Variants in CTIF observed in about 807,000 individuals in gnomAD.
CTIF encodes CBP80/20-dependent translation initiation factor.
A neutral mutation model predicts 66.0 loss-of-function variants in CTIF; 21 were observed. The ratio of observed to expected loss-of-function variants is 0.32; its 90% CI spans 0.23 to 0.46. The LOEUF (loss-of-function observed/expected upper bound fraction) is 0.46, where lower values mean the gene tolerates loss of function less well. Among genes scored for constraint, CTIF ranks in the 20% least tolerant of loss-of-function variants. CTIF has a pLI of 1.00. For synonymous variants in CTIF, 345 were observed against 326.4 expected (o/e 1.06, Z -0.62); for missense variants, 739 against 812.7 (o/e 0.91, Z 1.10).
chr18:48,761,578 G>A lies in CTIF; in HGVS notation c.1260G>A (p.Lys420=). Residue 420 remains lysine, a synonymous_variant, in exon 9 of 12, where the codon AAG becomes AAA. Coordinates refer to ENST00000256413, the MANE Select transcript of CTIF (RefSeq NM_014772.3). This position sits in a 1 kb window ranked among gnomAD's most constrained non-coding sequence, Gnocchi z 4.2. ...LGEIVRTIYQ[K]AVSDRSFAFT... The stretch of plus-strand genomic sequence containing the variant: ...AGATCGTGCGCACAATCTACCAGAA[G>A]GCTGTGTCCGACCGCAGCTTCGCCT... 1.9e-6 allele frequency: 3 copies of A among 1,614,222 alleles called. No homozygotes were observed. The highest frequency in any genetic ancestry group is 2.5e-6 in the Non-Finnish European group (3 of 1,180,044).
intron 7 of CTIF, among the ~76,000 whole-genome samples, chr18:48,739,771 A>G (rs1250745744): frequency 2.0e-5 from 3 of 152,182 alleles, no homozygotes; most frequent in African/African-American, 7.2e-5. Flanking sequence ...AAAGCTCACA[A>G]ATTCCTTTAG....
intron 1 of CTIF, among the ~76,000 whole-genome samples, chr18:48,601,061 G>C (rs984350516): frequency 2.0e-5 from 3 of 152,178 alleles, no homozygotes; most frequent in Admixed American, 6.5e-5. Context: ...GTCCTTTCAG[G>C]CTTTGGTCTG....
chr18:48,668,987 C>T (rs1212146931), intron 5 of CTIF, among the ~76,000 whole-genome samples: 1 of 152,134 alleles, frequency 6.6e-6, no homozygotes, highest in African/African-American at 2.4e-5. Context: ...CTTGGGTTAG[C>T]CCCCTGTTCT....
At chr18:48,742,515 C>T (rs527368243) in intron 7 of CTIF, among the ~76,000 whole-genome samples, 7 of 152,254 alleles carry the variant, frequency 4.6e-5, no homozygotes, top group Admixed American at 2.0e-4. Flanking sequence ...TTGGTTCACA[C>T]GCAGACAGCG....
intron 9 of CTIF, among the ~76,000 whole-genome samples, chr18:48,779,912 G>T (rs534334223): frequency 6.6e-6 from 1 of 152,324 alleles, no homozygotes; most frequent in South Asian, 2.1e-4. Flanking sequence ...GCAGCTCTGG[G>T]TGAAGGTGGG....
At chr18:48,849,084 G>A (rs923513470) in intron 10 of CTIF, among the ~76,000 whole-genome samples, 6 of 152,036 alleles carry the variant, frequency 3.9e-5, no homozygotes, top group African/African-American at 9.7e-5. Context: ...CTGACCCCCA[G>A]GTAGAGCAGG....
intron 10 of CTIF, among the ~76,000 whole-genome samples, chr18:48,853,531 C>T (rs1386885618): frequency 6.6e-6 from 1 of 152,194 alleles, no homozygotes; most frequent in Admixed American, 6.5e-5. Context: ...ACCTGCTCAT[C>T]ATTTGAGCAG....
intron 10 of CTIF, among the ~76,000 whole-genome samples, chr18:48,854,802 G>A (rs1434013177): frequency 6.6e-6 from 1 of 152,104 alleles, no homozygotes; most frequent in Non-Finnish European, 1.5e-5. Context: ...CTGCACCTGT[G>A]GTCCCATCTA....
chr18:48,829,372 G>C (rs562860588), intron 10 of CTIF, among the ~76,000 whole-genome samples: 1 of 152,246 alleles, frequency 6.6e-6, no homozygotes, highest in Non-Finnish European at 1.5e-5. Context: ...TGGGAGGACT[G>C]GTTGGGAGGG....
chr18:48,810,024 G>A (rs1599088233), intron 9 of CTIF, among the ~76,000 whole-genome samples: 1 of 151,880 alleles, frequency 6.6e-6, no homozygotes, highest in East Asian at 1.9e-4. Flanking sequence ...TTAGTTAAAT[G>A]TTTAGATCAA....
rs1371118368 is a variant in CTIF, at chr18:48,730,678, C to CGGTGTGAGGAGCCCCTGA, written c.584+18993_584+19010dup. On this transcript the variant is annotated intron_variant, in intron 7 of 11. Coordinates refer to ENST00000256413, the MANE Select transcript of CTIF (RefSeq NM_014772.3). ...GCTTCTGCGGTGTGAGGGGCTTCTG[C>CGGTGTGAGGAGCCCCTGA]GGTGTGAGGAGCCCCTGAGGTGTGA... 1.5e-5 allele frequency among the ~76,000 whole-genome samples: 2 copies of CGGTGTGAGGAGCCCCTGA among 132,488 alleles called. 1 individual carries two copies. The highest frequency in any genetic ancestry group is 4.4e-4 in the East Asian group (2 of 4,528). 86.9% of individuals were successfully genotyped at this position (132,488 alleles called of 152,430 possible). A position where few individuals can be genotyped will look rare whatever the true frequency, so the allele number is the denominator to read the frequency against.
rs114976247 is a variant in CTIF at position 48,704,049 on chromosome 18, G to A, written c.508-7570G>A. ...GTCTCTGAGTACAGAAATGAGGGAG[G>A]GACTTGCTCTTGTCCACTCCCTCTT... On this transcript the variant is annotated intron_variant, in intron 6 of 11. Coordinates refer to ENST00000256413, the MANE Select transcript of CTIF (RefSeq NM_014772.3). Among the ~76,000 whole-genome samples the A allele has an allele frequency of 2.1e-3, 321 of 152,282 alleles. 1 individual carries two copies. The highest frequency in any genetic ancestry group is 7.6e-3 in the African/African-American group (317 of 41,548).
chr18:48,785,478 A>G (rs1407046542), intron 9 of CTIF, among the ~76,000 whole-genome samples: 1 of 152,214 alleles, frequency 6.6e-6, no homozygotes, highest in Non-Finnish European at 1.5e-5. Flanking sequence ...GCAGTCAGGC[A>G]TCCTACAGAA....
At position 48,761,056 on chromosome 18, in the gene CTIF, C is replaced by G. The variant is rs936353388; in HGVS notation, c.1072-334C>G. 8 of 210,238 alleles carry G rather than the reference C, an allele frequency of 3.8e-5. No individual in the cohort carries two copies. The East Asian group carries it at 8.6e-4, about 23-fold the overall frequency. 13.0% of individuals were successfully genotyped at this position (210,238 alleles called of 1,614,324 possible). On this transcript the variant is annotated intron_variant, in intron 8 of 11. Transcript: ENST00000256413. This position sits in a 1 kb window ranked among gnomAD's most constrained non-coding sequence, Gnocchi z 4.2. ...GATTTCATATTTGTTATCTTATTTC[C>G]TCTTTCATAATTTCCATTAAATCTT...
chr18:48,590,910 C>A (rs1390256034), intron 1 of CTIF, among the ~76,000 whole-genome samples: 1 of 151,980 alleles, frequency 6.6e-6, no homozygotes, highest in African/African-American at 2.4e-5. Flanking sequence ...GGACAACAGC[C>A]ATGGAGTGAG....
intron 6 of CTIF, among the ~76,000 whole-genome samples, chr18:48,676,298 T>C (rs2145078680): frequency 6.6e-6 from 1 of 152,356 alleles, no homozygotes; most frequent in Admixed American, 6.5e-5. Flanking sequence ...GTTTGTTGAA[T>C]TATCCAGTGT....
intron 1 of CTIF, among the ~76,000 whole-genome samples, chr18:48,570,396 A>G (rs921604988): frequency 6.6e-6 from 1 of 152,218 alleles, no homozygotes; most frequent in Admixed American, 6.5e-5. Context: ...TTAAGAACCT[A>G]CTGCATGCCA....
At chr18:48,636,549 G>A in intron 2 of CTIF, 65 bp from the exon 3 acceptor site, 2 of 1,244,424 alleles carry the variant, frequency 1.6e-6, no homozygotes. Context: ...AACTCCTGCA[G>A]CCTGGCAGAG....
Position 48,628,872 on chromosome 18 carries a change from A to G in CTIF, c.181-7742A>G, listed in dbSNP as rs564896053. Among the ~76,000 whole-genome samples, 7 of 152,332 alleles carry G rather than the reference A, an allele frequency of 4.6e-5. No homozygotes were observed. In the East Asian group the frequency reaches 7.7e-4, roughly 17 times the overall value. ...GTCCCTCTTAGCACAGGTCTTTTCT[A>G]AAATATCACTGGATAGAGAATGAGC... On this transcript the variant is annotated intron_variant, in intron 2 of 11. Coordinates refer to ENST00000256413, the MANE Select transcript of CTIF (RefSeq NM_014772.3).
Sources: gnomAD v4.1 joint callset for allele counts (sites outside exome capture counted in the v4.1 genomes callset) on GRCh38, gnomAD v4.1.1 for gene constraint, Gnocchi (gnomAD v3.1) non-coding constraint, MANE v1.5 for transcripts, NCBI Gene and HGNC (gene_info 2026-07-23, HGNC 2026-07-21) for gene names.